Variants in SCAI observed in about 807,000 individuals in gnomAD.
SCAI encodes the protein protein SCAI.
SCAI carries 24 observed loss-of-function variants against 92.2 expected under a neutral mutation model. That is an observed-to-expected ratio of 0.26 (90% CI 0.19 to 0.37). The LOEUF is 0.37. Among genes scored for constraint, SCAI ranks in the 10% least tolerant of loss-of-function variants. The probability of loss-of-function intolerance (pLI) is 1.00; values close to 1 mark genes in which losing one functional copy is unlikely to be tolerated. For synonymous variants in SCAI, 261 were observed against 258.6 expected (o/e 1.01, Z -0.09); for missense variants, 450 against 736.2 (o/e 0.61, Z 4.50).
At chr9:125,003,390 CTGTTGAA>C in intron 10 of SCAI, 72 bp downstream of exon 10, 1 of 1,068,710 alleles carries the variant, frequency 9.4e-7, no homozygotes, top group Non-Finnish European at 1.5e-6. Context: ...GCTGTAGTAT[CTGTTGAA>C]TAATCAGCGT....
At chr9:125,092,945 A>G (rs1415585716) in intron 2 of SCAI, among the ~76,000 whole-genome samples, 2 of 152,194 alleles carry the variant, frequency 1.3e-5, no homozygotes, top group African/African-American at 2.4e-5. Flanking sequence ...GTCACTACCA[A>G]TGAGTTCCAT....
chr9:125,059,710 C>T (rs1243983848), intron 2 of SCAI, among the ~76,000 whole-genome samples: 1 of 152,122 alleles, frequency 6.6e-6, no homozygotes. Context: ...AAAATTTATC[C>T]TGAGGTTAAC....
At chr9:125,087,259 G>C (rs1277214114) in intron 2 of SCAI, among the ~76,000 whole-genome samples, 1 of 152,216 alleles carries the variant, frequency 6.6e-6, no homozygotes, top group Non-Finnish European at 1.5e-5. Flanking sequence ...CAGTAGCATT[G>C]ATTGATACAT....
chr9:124,977,186 T>G (rs1217361316), intron 14 of SCAI, among the ~76,000 whole-genome samples: 2 of 152,208 alleles, frequency 1.3e-5, no homozygotes, highest in Admixed American at 6.5e-5. Context: ...ACTATGTTCT[T>G]AGAGATAAAA....
intron 9 of SCAI, among the ~76,000 whole-genome samples, chr9:125,009,401 C>A (rs1020826003): frequency 6.6e-6 from 1 of 152,130 alleles, no homozygotes; most frequent in African/African-American, 2.4e-5. Flanking sequence ...TCCCAAGTAG[C>A]TGGAATTATA....
chr9:125,010,549 C>T (rs1832614599), intron 9 of SCAI, among the ~76,000 whole-genome samples: 1 of 152,344 alleles, frequency 6.6e-6, no homozygotes, highest in South Asian at 2.1e-4. Flanking sequence ...TGGGTCGAGC[C>T]TACCACGGCT....
intron 17 of SCAI, among the ~76,000 whole-genome samples, chr9:124,964,827 A>C (rs1831507138): frequency 6.6e-6 from 1 of 152,222 alleles, no homozygotes; most frequent in African/African-American, 2.4e-5. Context: ...TTCTTGTTGT[A>C]CTGGCAGCTG....
At chr9:124,989,105 C>T (rs1832058886) in intron 14 of SCAI, among the ~76,000 whole-genome samples, 1 of 152,084 alleles carries the variant, frequency 6.6e-6, no homozygotes, top group South Asian at 2.1e-4. Context: ...TGCCACTGCA[C>T]TCCAGCCTGG....
chr9:125,085,343 C>T (rs1834305094), intron 2 of SCAI, among the ~76,000 whole-genome samples: 1 of 151,964 alleles, frequency 6.6e-6, no homozygotes, highest in East Asian at 1.9e-4. Flanking sequence ...AAAAATTAGC[C>T]TTGCGTGGTG....
At chr9:124,988,698 G>GA (rs1438365842) in intron 14 of SCAI, among the ~76,000 whole-genome samples, 2 of 152,028 alleles carry the variant, frequency 1.3e-5, no homozygotes, top group Non-Finnish European at 2.9e-5. Context: ...AACCAGACCA[G>GA]AATGTGCAAT....
chr9:125,001,935 C>T (rs748191778), intron 12 of SCAI, 30 bp downstream of exon 12: 16 of 1,488,732 alleles, frequency 1.1e-5, no homozygotes, highest in Non-Finnish European at 1.5e-5. Context: ...TCAAGCCCTG[C>T]TCACAACAGG....
At chr9:125,046,512 C>A (rs945679524) in intron 3 of SCAI, among the ~76,000 whole-genome samples, 51 of 149,540 alleles carry the variant, frequency 3.4e-4, no homozygotes, top group African/African-American at 1.2e-3. Context: ...TATGAGGATA[C>A]AAAGACATAA....
chr9:125,088,711 C>T (rs1156424287), intron 2 of SCAI, among the ~76,000 whole-genome samples: 2 of 152,170 alleles, frequency 1.3e-5, no homozygotes, highest in Non-Finnish European at 2.9e-5. Flanking sequence ...CTCATGGGCT[C>T]AAGCAATCCT....
intron 2 of SCAI, among the ~76,000 whole-genome samples, chr9:125,103,196 CTT>C (rs1834713642): frequency 6.6e-6 from 1 of 152,178 alleles, no homozygotes; most frequent in African/African-American, 2.4e-5. Context: ...CAATCTCTCT[CTT>C]GAATCCCATG....
chr9:125,052,511 AGGAGAATCGCTTGGAG>A (rs1833580316), intron 3 of SCAI, among the ~76,000 whole-genome samples: 1 of 152,070 alleles, frequency 6.6e-6, no homozygotes, highest in African/African-American at 2.4e-5. Flanking sequence ...GCTTGGAGGC[AGGAGAATCGCTTGGAG>A]GCAGGAGAAT....
chr9:125,087,977 TGTTGAA>T (rs750382313), intron 2 of SCAI, among the ~76,000 whole-genome samples: 4 of 152,226 alleles, frequency 2.6e-5, no homozygotes, highest in Non-Finnish European at 5.9e-5. Context: ...AATTCATGAT[TGTTGAA>T]GTTAGGTGAT....
chr9:125,050,776 G>A (rs907954463), intron 3 of SCAI, among the ~76,000 whole-genome samples: 4 of 151,994 alleles, frequency 2.6e-5, no homozygotes, highest in South Asian at 2.1e-4. Context: ...TTCCTATGTC[G>A]CCAGGCTGGT....
At position 125,143,417 on chromosome 9, in the gene SCAI, C is replaced by T; in HGVS notation, c.21G>A (p.Gln7=). The change falls in exon 1 of 18, where the codon CAG becomes CAA. Residue 7 remains glutamine (Q), a synonymous_variant. Transcript: ENST00000336505. MVRGAR[Q]PQQPRSRLAP... is the part of the protein sequence containing the mutation. ...CCAGGCGACTCCGCGGCTGCTGGGGCTGCCGGGCTCCTCTGACCATCCGGC... is the reference window on the plus strand; with the variant it reads ...CCAGGCGACTCCGCGGCTGCTGGGGTTGCCGGGCTCCTCTGACCATCCGGC... The T allele has an allele frequency of 2.9e-6, 4 of 1,399,696 alleles. No homozygotes were observed. The highest frequency in any genetic ancestry group is 3.7e-6 in the Non-Finnish European group (4 of 1,075,262). 86.7% of individuals were successfully genotyped at this position (1,399,696 alleles called of 1,614,324 possible). A position where few individuals can be genotyped will look rare whatever the true frequency, so the allele number is the denominator to read the frequency against.
At chr9:124,966,184 T>C (rs1033812935) in intron 17 of SCAI, among the ~76,000 whole-genome samples, 1 of 151,726 alleles carries the variant, frequency 6.6e-6, no homozygotes, top group Non-Finnish European at 1.5e-5. Flanking sequence ...CCCATTAACT[T>C]GTCATTTACA....
Sources: gnomAD v4.1 joint callset for allele counts (sites outside exome capture counted in the v4.1 genomes callset) on GRCh38, gnomAD v4.1.1 for gene constraint, MANE v1.5 for transcripts, NCBI Gene and HGNC (gene_info 2026-07-23, HGNC 2026-07-21) for gene names.